Variants in HNF4G observed in about 807,000 individuals in gnomAD.
The protein encoded by HNF4G is hepatocyte nuclear factor 4 gamma, also known as hepatocyte nuclear factor 4-gamma.
HNF4G carries 21 observed loss-of-function variants against 50.9 expected under a neutral mutation model. The ratio of observed to expected loss-of-function variants is 0.41; its 90% CI spans 0.29 to 0.59. HNF4G has a LOEUF of 0.59. Among genes scored for constraint, HNF4G ranks in the 20% least tolerant of loss-of-function variants. The pLI, the probability that HNF4G is intolerant of heterozygous loss-of-function variation, is 0.26. For synonymous variants in HNF4G, 198 were observed against 185.6 expected (o/e 1.07, Z -0.54); for missense variants, 527 against 559.4 (o/e 0.94, Z 0.58).
chr8:75,446,844 T>C, intron 1 of HNF4G, among the ~76,000 whole-genome samples: 1 of 107,488 alleles, frequency 9.3e-6, no homozygotes. Context: ...ATCGTGAAAA[T>C]GGCCATACTG....
intron 6 of HNF4G, among the ~76,000 whole-genome samples, chr8:75,556,429 T>A (rs1173038991): frequency 6.6e-6 from 1 of 152,210 alleles, no homozygotes; most frequent in Non-Finnish European, 1.5e-5. Context: ...AGTCTGCTTT[T>A]TATTTTACAC....
rs191184651 is a variant in HNF4G at position 75,543,730 on chromosome 8, T to C, written c.119-81T>C. Reference sequence around the variant, plus strand: ...CAAGAAGCCAATGAATGGAGTGTTATGAGCCTATAAATAATTAGTAGGACA... The same window carrying C: ...CAAGAAGCCAATGAATGGAGTGTTACGAGCCTATAAATAATTAGTAGGACA... On this transcript the variant is annotated intron_variant, in intron 1 of 9. Coordinates refer to ENST00000396423, the MANE Select transcript of HNF4G (RefSeq NM_004133.5). The C allele has an allele frequency of 9.0e-6, 11 of 1,217,472 alleles. No individual in the cohort carries two copies. In the East Asian group the frequency reaches 1.8e-4, roughly 20 times the overall value. The allele number at this position is 1,217,472 out of a possible 1,614,324, so 75.4% of individuals were successfully genotyped here. A position where few individuals can be genotyped will look rare whatever the true frequency, so the allele number is the denominator to read the frequency against.
At chr8:75,502,587 A>G (rs1812960577) in intron 2 of HNF4G, among the ~76,000 whole-genome samples, 1 of 152,206 alleles carries the variant, frequency 6.6e-6, no homozygotes, top group African/African-American at 2.4e-5. Flanking sequence ...TTAAAGAAGC[A>G]CAAGGGTAAG....
rs118074800 is a variant in HNF4G, at chr8:75,532,660, C to G, written c.-23-11151C>G. 5.3e-5 allele frequency among the ~76,000 whole-genome samples: 8 copies of G among 152,118 alleles called. No individual in the cohort carries two copies. The South Asian group carries it at 1.7e-3, about 31-fold the overall frequency. ...CACATATGCAATCATATACAGGAGA[C>G]TGTATCAAAAATGGAATAAGATTTT... On this transcript the variant is annotated intron_variant, in intron 2 of 10. Coordinates refer to the HNF4G transcript ENST00000354370.
rs1394584496 is a variant in HNF4G, at chr8:75,558,887, C to A, written c.973C>A (p.Gln325Lys). The A allele has an allele frequency of 6.2e-7, 1 of 1,613,808 alleles. No individual in the cohort carries two copies. The highest frequency in any genetic ancestry group is 2.2e-5 in the East Asian group (1 of 44,866). The change falls in exon 8 of 10, where the codon CAG becomes AAG. Residue 325 changes from glutamine to lysine, a missense_variant. Gln to Lys is a moderately conservative substitution (Grantham distance 53). Around this residue, in one of 5 missense-constraint regions of HNF4G, gnomAD observed 308 missense variants for 301.5 expected, o/e 1.02. Transcript: ENST00000396423. ...TTTGGAGGACTACATCAATGATCGG[C>A]AGTATGACTCCCGGGGGAGGTTTGG... ...IGLEDYINDR[Q>K]YDSRGRFGEL...
chr8:75,533,424 G>C (rs1806381456), intron 2 of HNF4G, among the ~76,000 whole-genome samples: 1 of 151,932 alleles, frequency 6.6e-6, no homozygotes, highest in South Asian at 2.1e-4. Flanking sequence ...CCAGATAATT[G>C]TAATGTGCAC....
intron 2 of HNF4G, among the ~76,000 whole-genome samples, chr8:75,514,878 A>G (rs909156204): frequency 6.6e-6 from 1 of 151,840 alleles, no homozygotes; most frequent in Non-Finnish European, 1.5e-5. Flanking sequence ...ACCTCCCTCC[A>G]TTTTTAGCCT....
At chr8:75,408,706 T>C (rs1002139748) in intron 1 of HNF4G, among the ~76,000 whole-genome samples, 3 of 152,234 alleles carry the variant, frequency 2.0e-5, no homozygotes, top group African/African-American at 7.2e-5. Flanking sequence ...ATATATGTGC[T>C]TCATACCTGA....
chr8:75,479,561 C>T (rs1303080585), intron 1 of HNF4G, among the ~76,000 whole-genome samples: 1 of 141,812 alleles, frequency 7.1e-6, no homozygotes, highest in East Asian at 2.1e-4. Context: ...TAACAAGATT[C>T]TATCACTTCA....
At chr8:75,410,103 C>T (rs143303695) in intron 1 of HNF4G, among the ~76,000 whole-genome samples, 2,190 of 152,150 alleles carry the variant, frequency 0.014, 30 homozygotes, top group Middle Eastern at 0.031. Context: ...CCCAATGTAA[C>T]CAGCCAGTGT....
chr8:75,426,243 C>T (rs1378719028), intron 1 of HNF4G, among the ~76,000 whole-genome samples: 1 of 152,180 alleles, frequency 6.6e-6, no homozygotes, highest in African/African-American at 2.4e-5. Context: ...CCTTCACTTC[C>T]ATTCCTCGTG....
intron 3 of HNF4G, among the ~76,000 whole-genome samples, chr8:75,548,934 C>T (rs1186472940): frequency 6.6e-6 from 1 of 152,106 alleles, no homozygotes; most frequent in African/African-American, 2.4e-5. Flanking sequence ...AGCACTTTCT[C>T]ATTTAAAAAG....
chr8:75,543,066 G>T (rs1806675491), intron 1 of HNF4G, among the ~76,000 whole-genome samples: 1 of 152,004 alleles, frequency 6.6e-6, no homozygotes, highest in Admixed American at 6.6e-5. Flanking sequence ...AATAAGCCTG[G>T]CATGGTGACA....
At chr8:75,532,751 T>C (rs1320153154) in intron 2 of HNF4G, among the ~76,000 whole-genome samples, 2 of 152,042 alleles carry the variant, frequency 1.3e-5, no homozygotes, top group African/African-American at 4.8e-5. Context: ...CCCACTGAAA[T>C]ACCCATGACT....
chr8:75,465,186 A>T (rs923054772), intron 1 of HNF4G, among the ~76,000 whole-genome samples: 1 of 152,228 alleles, frequency 6.6e-6, no homozygotes, highest in African/African-American at 2.4e-5. Context: ...CAGCTAACCC[A>T]TGTAGCCTCA....
rs771223344 is a variant in HNF4G at position 75,543,892 on chromosome 8, C to T, written c.200C>T (p.Thr67Ile). ...CLCAICGDRATGKHYGASSCD... is the reference protein window; with the variant it reads ...CLCAICGDRAIGKHYGASSCD... ...TGTGCTATCTGTGGGGACAGAGCAA[C>T]AGGAAAACACTATGGGGCATCCAGC... The change falls in exon 2 of 10, where the codon ACA (threonine) becomes ATA (isoleucine). Residue 67 changes from threonine (T) to isoleucine (I), a missense_variant. By Grantham distance (89) the Thr-to-Ile change is moderately conservative. Transcript: ENST00000396423. 1 of 1,613,788 alleles carries T rather than the reference C, an allele frequency of 6.2e-7. No individual in the cohort carries two copies. The highest frequency in any genetic ancestry group is 8.5e-7 in the Non-Finnish European group (1 of 1,179,802).
chr8:75,536,474 T>C (rs890987902), upstream of HNF4G, among the ~76,000 whole-genome samples: 2 of 152,028 alleles, frequency 1.3e-5, no homozygotes, highest in African/African-American at 4.8e-5. Context: ...CTTAAGTTCT[T>C]AATCTAATGT....
At chr8:75,432,926 T>C (rs921162201) in intron 1 of HNF4G, among the ~76,000 whole-genome samples, 1 of 152,188 alleles carries the variant, frequency 6.6e-6, no homozygotes, top group Non-Finnish European at 1.5e-5. Context: ...ATTTAATGAA[T>C]TGAAGCTTCA....
chr8:75,473,580 G>A (rs909911357), intron 1 of HNF4G, among the ~76,000 whole-genome samples: 1 of 152,094 alleles, frequency 6.6e-6, no homozygotes, highest in Non-Finnish European at 1.5e-5. Flanking sequence ...TCTATCCAGG[G>A]GAAGAAGAAT....
Sources: allele counts gnomAD v4.1 joint callset (sites outside exome capture counted in the v4.1 genomes callset), GRCh38; gene constraint gnomAD v4.1.1; regional missense constraint gnomAD v4.1.1; transcripts MANE v1.5; gene names NCBI Gene and HGNC (gene_info 2026-07-23, HGNC 2026-07-21).